USH2A: variants seen among roughly 807,000 people sequenced by gnomAD.
USH2A encodes the protein Usher syndrome 2A (autosomal recessive, mild).
A neutral mutation model predicts 538.9 loss-of-function variants in USH2A; 443 were observed. The ratio of observed to expected loss-of-function variants is 0.82; its 90% CI spans 0.76 to 0.89. The LOEUF is 0.89. USH2A is among the 40% of genes least tolerant of loss of function. USH2A has a pLI of 0.00. For synonymous variants in USH2A, 2,413 were observed against 2,273.5 expected (o/e 1.06, Z -1.75); for missense variants, 6,633 against 6,324.8 (o/e 1.05, Z -1.65).
At chr1:216,253,274 G>A (rs2036199669) in intron 11 of USH2A, among the ~76,000 whole-genome samples, 1 of 151,748 alleles carries the variant, frequency 6.6e-6, no homozygotes, top group Non-Finnish European at 1.5e-5. Flanking sequence ...CGCCTCCCAG[G>A]TTCAAGTGAC....
chr1:216,417,915 G>C (rs1363853221), intron 3 of USH2A, among the ~76,000 whole-genome samples: 3 of 152,096 alleles, frequency 2.0e-5, no homozygotes, highest in African/African-American at 7.2e-5. Flanking sequence ...AGGATGAACT[G>C]TGCCTCTCTT....
intron 3 of USH2A, among the ~76,000 whole-genome samples, chr1:216,370,574 G>C (rs1337039105): frequency 6.8e-6 from 1 of 147,216 alleles, no homozygotes; most frequent in Admixed American, 6.9e-5. Context: ...GGGCTACTCG[G>C]GAGGCTGAAG....
At chr1:215,625,916 A>C in intron 71 of USH2A, 46 bp from the exon 72 acceptor site, 2 of 1,536,434 alleles carry the variant, frequency 1.3e-6, no homozygotes, top group Middle Eastern at 3.4e-4. Context: ...TGCTATCAAT[A>C]GTATTTGCTA....
At chr1:216,126,689 C>CAATAAT (rs969408136) in intron 21 of USH2A, among the ~76,000 whole-genome samples, 2 of 151,480 alleles carry the variant, frequency 1.3e-5, no homozygotes, top group Non-Finnish European at 2.9e-5. Flanking sequence ...CTAATTTTTG[C>CAATAAT]AATAATAATA....
chr1:216,259,406 A>G (rs1476836721), intron 11 of USH2A, among the ~76,000 whole-genome samples: 1 of 152,104 alleles, frequency 6.6e-6, no homozygotes, highest in Non-Finnish European at 1.5e-5. Context: ...ATCTCGGTCT[A>G]GGTTACCACT....
rs1571950130 is a variant in USH2A, at chr1:215,675,768, T to A, written c.12295-152A>T. ...CTGATATTAATTGGGGATATGTGAT[T>A]TTTTTCAGTTAACATAAGGCCCACA... is the stretch of plus-strand genomic sequence containing the variant. On this transcript the variant is annotated intron_variant, in intron 62 of 71. Coordinates refer to ENST00000307340, the MANE Select transcript of USH2A (RefSeq NM_206933.4). 2.1e-6 allele frequency: 3 copies of A among 1,453,456 alleles called. No individual in the cohort carries two copies. The East Asian group carries it at 7.3e-5, about 36-fold the overall frequency. The allele number at this position is 1,453,456 out of a possible 1,614,324, so 90.0% of individuals were successfully genotyped here. A position where few individuals can be genotyped will look rare whatever the true frequency, so the allele number is the denominator to read the frequency against.
chr1:215,816,835 G>A (rs560022702), intron 48 of USH2A, among the ~76,000 whole-genome samples, 162 bp downstream of exon 48: 1 of 152,196 alleles, frequency 6.6e-6, no homozygotes, highest in East Asian at 1.9e-4. Flanking sequence ...GCTCATGAGG[G>A]TGATAGTGAT....
Position 215,779,888 on chromosome 1 carries a change from G to A in USH2A, c.10894C>T (p.Leu3632Phe). ...CTGTCAGTGGTGTCAGTGTGGATGA[G>A]ACCTTTCCCAACCTGCCTGATCTGG... ...EYQIRQVGKG[L>F]IHTDTTDRRQ... Residue 3632 changes from leucine (L) to phenylalanine (F), a missense_variant, in exon 55 of 72, where the codon CTC (leucine) becomes TTC (phenylalanine). Transcript: ENST00000307340. 1.2e-6 allele frequency: 2 copies of A among 1,614,056 alleles called. No individual in the cohort carries two copies. The highest frequency in any genetic ancestry group is 1.7e-6 in the Non-Finnish European group (2 of 1,180,022).
intron 37 of USH2A, among the ~76,000 whole-genome samples, chr1:215,937,717 C>T (rs140327180): frequency 9.6e-4 from 146 of 152,156 alleles, no homozygotes; most frequent in East Asian, 3.3e-3. Flanking sequence ...TCTCAAGTAG[C>T]GTAACTGTGC....
chr1:216,115,184 T>C (rs773609038), intron 21 of USH2A, among the ~76,000 whole-genome samples: 9 of 152,142 alleles, frequency 5.9e-5, no homozygotes, highest in Non-Finnish European at 1.3e-4. Context: ...AAGGCTTGAG[T>C]GTAGTGGCGT....
At chr1:216,128,925 G>A (rs78290361) in intron 21 of USH2A, among the ~76,000 whole-genome samples, 5,232 of 151,562 alleles carry the variant, frequency 0.035, 265 homozygotes, top group African/African-American at 0.12. Flanking sequence ...CCTTCCCCAG[G>A]CTCTGATAAC....
intron 4 of USH2A, among the ~76,000 whole-genome samples, chr1:216,358,818 TA>T (rs915721990): frequency 6.6e-6 from 1 of 152,220 alleles, no homozygotes; most frequent in African/African-American, 2.4e-5. Flanking sequence ...GAGTGAAATT[TA>T]TTTCTACACA....
At chr1:216,346,009 C>G (rs529672545) in intron 4 of USH2A, among the ~76,000 whole-genome samples, 1 of 152,036 alleles carries the variant, frequency 6.6e-6, no homozygotes, top group Non-Finnish European at 1.5e-5. Flanking sequence ...AATGGTGACC[C>G]AGGTTCAGGG....
chr1:216,035,963 C>T (rs115893581), intron 32 of USH2A, among the ~76,000 whole-genome samples: 32 of 152,142 alleles, frequency 2.1e-4, no homozygotes, highest in African/African-American at 7.0e-4. Context: ...GTCAATATTG[C>T]AAGATAGAAT....
chr1:216,136,535 G>A (rs138899066), intron 21 of USH2A, among the ~76,000 whole-genome samples: 2,560 of 151,940 alleles, frequency 0.017, 51 homozygotes, highest in African/African-American at 0.043. Flanking sequence ...TTACTTTCTC[G>A]TCAGTTATGC....
At chr1:215,894,089 T>G (rs1238332233) in intron 40 of USH2A, among the ~76,000 whole-genome samples, 1 of 152,136 alleles carries the variant, frequency 6.6e-6, no homozygotes, top group Admixed American at 6.6e-5. Flanking sequence ...CCTGAATTAC[T>G]GTTTGAAAGG....
intron 61 of USH2A, among the ~76,000 whole-genome samples, chr1:215,703,384 A>G (rs1227248817): frequency 1.3e-5 from 2 of 152,166 alleles, no homozygotes; most frequent in Non-Finnish European, 2.9e-5. Context: ...GCAGGCAGGA[A>G]CGTTTAAGTC....
intron 32 of USH2A, among the ~76,000 whole-genome samples, chr1:216,008,041 T>C (rs984170440): frequency 1.3e-5 from 2 of 152,194 alleles, no homozygotes; most frequent in Non-Finnish European, 2.9e-5. Flanking sequence ...CTAGGTACAA[T>C]TGAAATGTTT....
intron 56 of USH2A, among the ~76,000 whole-genome samples, chr1:215,764,999 G>A (rs1466670679): frequency 1.3e-5 from 2 of 151,670 alleles, no homozygotes; most frequent in Non-Finnish European, 1.5e-5. Flanking sequence ...AGAAATCAAG[G>A]GCATTTCTCA....
Sources: allele counts gnomAD v4.1 joint callset (sites outside exome capture counted in the v4.1 genomes callset), GRCh38; gene constraint gnomAD v4.1.1; transcripts MANE v1.5; gene names NCBI Gene and HGNC (gene_info 2026-07-23, HGNC 2026-07-21).